The following PSD2 variants were observed in gnomAD, a reference collection of about 807,000 sequenced individuals.
PSD2 encodes the protein pleckstrin and Sec7 domain containing 2.
PSD2 carries 38 observed loss-of-function variants against 69.8 expected under a neutral mutation model. The ratio of observed to expected loss-of-function variants is 0.54; its 90% CI spans 0.42 to 0.71. PSD2 has a LOEUF of 0.71. Among genes scored for constraint, PSD2 ranks in the 30% least tolerant of loss-of-function variants. PSD2 has a pLI of 0.00. For missense variants in PSD2, 943 were observed against 1,014.5 expected (o/e 0.93, Z 0.96); for synonymous variants, 412 against 423.0 (o/e 0.97, Z 0.32).
At chr5:139,807,585 T>C (rs1187500144) in intron 1 of PSD2, among the ~76,000 whole-genome samples, 1 of 152,202 alleles carries the variant, frequency 6.6e-6, no homozygotes, top group Non-Finnish European at 1.5e-5. Flanking sequence ...CTGTGGGCTT[T>C]TTTTTTAAAG....
chr5:139,799,322 C>T (rs1759609185), intron 1 of PSD2, among the ~76,000 whole-genome samples: 1 of 152,188 alleles, frequency 6.6e-6, no homozygotes, highest in Non-Finnish European at 1.5e-5. Context: ...AATAGAGAAG[C>T]AGACAGAAAC....
chr5:139,823,573 C>T (rs1332059118), intron 7 of PSD2, among the ~76,000 whole-genome samples: 1 of 152,128 alleles, frequency 6.6e-6, no homozygotes, highest in Non-Finnish European at 1.5e-5. Flanking sequence ...AGATTCTACT[C>T]TTGCCTCCAC....
At chr5:139,835,868 T>A (rs1191661822) in intron 9 of PSD2, 102 bp downstream of exon 9, 1 of 1,112,208 alleles carries the variant, frequency 9.0e-7, no homozygotes, top group African/African-American at 1.5e-5. Flanking sequence ...ATGGTGCTGA[T>A]CCCTCCCAAT....
At chr5:139,794,839 G>A (rs770992650), upstream of PSD2, among the ~76,000 whole-genome samples, 8 of 152,118 alleles carry the variant, frequency 5.3e-5, no homozygotes, top group East Asian at 3.9e-4. Flanking sequence ...TCTGAGAGGC[G>A]GACTCTTACT....
chr5:139,790,146 C>T, the PSD2 span, among the ~76,000 whole-genome samples: 6 of 151,954 alleles, frequency 3.9e-5, no homozygotes, highest in Admixed American at 2.6e-4. Context: ...AGTCTGGGCA[C>T]GGGAGCTCGC....
chr5:139,757,903 C>T, the PSD2 span, among the ~76,000 whole-genome samples: 10 of 152,060 alleles, frequency 6.6e-5, no homozygotes, highest in African/African-American at 2.2e-4. Context: ...AGGCTGGGCA[C>T]GGTGACTCAT....
the PSD2 span, among the ~76,000 whole-genome samples, chr5:139,758,629 C>T: frequency 3.3e-5 from 5 of 152,138 alleles, no homozygotes; most frequent in South Asian, 6.2e-4. Flanking sequence ...AGGGGACGCA[C>T]TTATGCCTTT....
Position 139,842,690 on chromosome 5 carries a change from C to A in PSD2, c.*216C>A. On this transcript the variant is annotated 3_prime_UTR_variant, in exon 15 of 15. Transcript: ENST00000274710. ...TCCGGGCATCAGACCCTCTCCCTGG[C>A]CCTTGTTTTCCTCTCCACCATGGAG... The A allele has an allele frequency of 1.8e-6, 1 of 561,752 alleles. No individual in the cohort carries two copies. The highest frequency in any genetic ancestry group is 3.2e-6 in the Non-Finnish European group (1 of 314,896). 34.8% of individuals were successfully genotyped at this position (561,752 alleles called of 1,614,324 possible).
At chr5:139,801,285 TCTC>T (rs1437159285) in intron 1 of PSD2, among the ~76,000 whole-genome samples, 1 of 151,970 alleles carries the variant, frequency 6.6e-6, no homozygotes, top group Non-Finnish European at 1.5e-5. Flanking sequence ...CTCCACATCC[TCTC>T]CTCCTGCTCT....
chr5:139,747,820 T>C, the PSD2 span, among the ~76,000 whole-genome samples: 3 of 152,078 alleles, frequency 2.0e-5, no homozygotes, highest in Non-Finnish European at 4.4e-5. This position sits in a 1 kb window ranked among gnomAD's most constrained non-coding sequence, Gnocchi z 6.7. Context: ...TACGACAGCA[T>C]CGCCCCGCCA....
chr5:139,766,982 TTTCTTTCTTTCTTTCC>T, the PSD2 span, among the ~76,000 whole-genome samples: 5 of 140,168 alleles, frequency 3.6e-5, no homozygotes, highest in South Asian at 4.6e-4. Flanking sequence ...TCTTTCTTTC[TTTCTTTCTTTCTTTCC>T]TTCTTTCTTT....
intron 1 of PSD2, among the ~76,000 whole-genome samples, chr5:139,800,450 T>TG (rs1759643912): frequency 6.6e-6 from 1 of 152,322 alleles, no homozygotes; most frequent in South Asian, 2.1e-4. Context: ...TGTGTAGAGA[T>TG]GGGGTCTCAC....
chr5:139,767,834 G>C, the PSD2 span, among the ~76,000 whole-genome samples: 1 of 152,270 alleles, frequency 6.6e-6, no homozygotes, highest in Non-Finnish European at 1.5e-5. Flanking sequence ...TTATATACCA[G>C]CTTGACAGAG....
rs1013414552 is a variant in PSD2, at chr5:139,814,295, G to A, written c.947G>A (p.Arg316Gln). ...CAGGGGGTCAGTGAAGCTGCTCATC[G>A]GCTGGCACGCCGTCTCTACCACCTC... ...GCQGVSEAAH[R>Q]LARRLYHLEG... Residue 316 changes from arginine to glutamine, a missense_variant, in exon 4 of 15, where the codon CGG (arginine) becomes CAG (glutamine). Physicochemically the swap from Arg to Gln is conservative, Grantham distance 43. Around this residue, in one of 3 missense-constraint regions of PSD2, gnomAD observed 466 missense variants for 445.0 expected, o/e 1.05. Coordinates refer to ENST00000274710, the MANE Select transcript of PSD2 (RefSeq NM_032289.4). The surrounding 1 kb of genome is among the most constrained non-coding windows in gnomAD (Gnocchi z 4.4). 6.2e-6 allele frequency: 10 copies of A among 1,613,440 alleles called. No individual in the cohort carries two copies. The highest frequency in any genetic ancestry group is 1.7e-4 in the Middle Eastern group (1 of 6,026).
At chr5:139,826,854 A>G (rs1760433990) in intron 7 of PSD2, among the ~76,000 whole-genome samples, 1 of 152,172 alleles carries the variant, frequency 6.6e-6, no homozygotes, top group Non-Finnish European at 1.5e-5. Context: ...GGCCCGATAG[A>G]TGCAGCAATT....
chr5:139,777,291 A>C, the PSD2 span, among the ~76,000 whole-genome samples: 2 of 152,254 alleles, frequency 1.3e-5, no homozygotes, highest in Non-Finnish European at 2.9e-5. Flanking sequence ...AAAAATATGC[A>C]CAAGGGAAAA....
chr5:139,746,991 T>G, the PSD2 span, among the ~76,000 whole-genome samples: 1 of 152,176 alleles, frequency 6.6e-6, no homozygotes, highest in Non-Finnish European at 1.5e-5. This position sits in a 1 kb window ranked among gnomAD's most constrained non-coding sequence, Gnocchi z 4.5. Flanking sequence ...GCCAGTATCC[T>G]GTCCCCTCGC....
intron 1 of PSD2, among the ~76,000 whole-genome samples, chr5:139,801,550 G>T (rs1440379801): frequency 6.6e-6 from 1 of 151,772 alleles, no homozygotes; most frequent in African/African-American, 2.4e-5. Flanking sequence ...CCCACCTCTT[G>T]ATATCAGGGT....
upstream of PSD2, among the ~76,000 whole-genome samples, chr5:139,792,353 C>T (rs1012766054): frequency 6.6e-6 from 1 of 152,192 alleles, no homozygotes; most frequent in Non-Finnish European, 1.5e-5. Context: ...GGGTTGGACC[C>T]AAATGAGTCC....
Sources: allele counts gnomAD v4.1 joint callset (sites outside exome capture counted in the v4.1 genomes callset), GRCh38; gene constraint gnomAD v4.1.1; regional missense constraint gnomAD v4.1.1; non-coding constraint Gnocchi (gnomAD v3.1); transcripts MANE v1.5; gene names NCBI Gene and HGNC (gene_info 2026-07-23, HGNC 2026-07-21).